Variants in KCNH8 observed in about 807,000 individuals in gnomAD.
KCNH8 encodes the protein voltage-gated delayed rectifier potassium channel KCNH8.
Under a neutral mutation model 103.6 loss-of-function variants are expected in KCNH8, and 70 were observed. The observed-to-expected ratio is 0.68, with a 90% CI of 0.56 to 0.82. The LOEUF (loss-of-function observed/expected upper bound fraction) is 0.82. Among genes scored for constraint, KCNH8 ranks in the 40% least tolerant of loss-of-function variants. The pLI is 0.00. For missense variants in KCNH8, 1,217 were observed against 1,329.9 expected (o/e 0.92, Z 1.32); for synonymous variants, 498 against 489.4 (o/e 1.02, Z -0.23).
chr3:19,405,533 C>T (rs2125143029), intron 7 of KCNH8, among the ~76,000 whole-genome samples: 1 of 151,978 alleles, frequency 6.6e-6, no homozygotes, highest in Admixed American at 6.6e-5. Context: ...TGTAACTTCA[C>T]TAACAGATTT....
At chr3:19,515,822 A>G (rs988188160) in intron 14 of KCNH8, among the ~76,000 whole-genome samples, 3 of 152,064 alleles carry the variant, frequency 2.0e-5, no homozygotes, top group Non-Finnish European at 4.4e-5. Flanking sequence ...CAGTTTATTC[A>G]GTGTGAGGTT....
intron 7 of KCNH8, among the ~76,000 whole-genome samples, chr3:19,423,126 GA>G (rs1313971945): frequency 1.3e-5 from 2 of 151,990 alleles, no homozygotes; most frequent in Non-Finnish European, 2.9e-5. Context: ...CTTTTCTAAA[GA>G]CTGAAAAGCT....
At chr3:19,318,520 C>G (rs139881132) in intron 3 of KCNH8, among the ~76,000 whole-genome samples, 1 of 151,626 alleles carries the variant, frequency 6.6e-6, no homozygotes, top group African/African-American at 2.4e-5. Flanking sequence ...TAAAAACATA[C>G]AATTATTAGT....
At chr3:19,282,778 T>TA (rs776940236) in intron 3 of KCNH8, among the ~76,000 whole-genome samples, 3 of 152,182 alleles carry the variant, frequency 2.0e-5, no homozygotes, top group Admixed American at 6.6e-5. Flanking sequence ...CCTTTTCATT[T>TA]AGAGTTTGAG....
chr3:19,369,157 T>C (rs1393688833), intron 5 of KCNH8, among the ~76,000 whole-genome samples: 1 of 152,024 alleles, frequency 6.6e-6, no homozygotes, highest in African/African-American at 2.4e-5. Context: ...GAGGTAACAG[T>C]ATTTTTATAT....
chr3:19,424,918 C>T (rs1230123438), intron 7 of KCNH8, among the ~76,000 whole-genome samples: 9 of 152,090 alleles, frequency 5.9e-5, no homozygotes, highest in Middle Eastern at 3.4e-3. Context: ...TAAAGTTGAA[C>T]GAACTCCCTG....
intron 5 of KCNH8, among the ~76,000 whole-genome samples, chr3:19,355,091 T>G (rs2065861805): frequency 6.6e-6 from 1 of 152,120 alleles, no homozygotes; most frequent in Admixed American, 6.5e-5. Context: ...CAGACACTTC[T>G]CAAAAGAAGA....
intron 3 of KCNH8, among the ~76,000 whole-genome samples, chr3:19,329,511 T>C (rs868502871): frequency 6.1e-5 from 8 of 130,810 alleles, no homozygotes; most frequent in Middle Eastern, 4.0e-3. Context: ...GATATTTTTC[T>C]AGGTTTTTTT....
At chr3:19,500,951 A>G (rs1202300684) in intron 11 of KCNH8, among the ~76,000 whole-genome samples, 4 of 152,206 alleles carry the variant, frequency 2.6e-5, no homozygotes, top group Non-Finnish European at 4.4e-5. Context: ...GGAAATAGAG[A>G]CACAAAAAAC....
At chr3:19,219,853 G>A (rs552076425) in intron 1 of KCNH8, among the ~76,000 whole-genome samples, 1 of 152,112 alleles carries the variant, frequency 6.6e-6, no homozygotes, top group African/African-American at 2.4e-5. Context: ...TATTACTCAG[G>A]TCAAGAACTC....
chr3:19,357,331 A>G (rs2125326726), intron 5 of KCNH8, among the ~76,000 whole-genome samples: 3 of 152,022 alleles, frequency 2.0e-5, no homozygotes, highest in Admixed American at 2.0e-4. Context: ...GTTATCATTC[A>G]GAGAGATATG....
intron 11 of KCNH8, among the ~76,000 whole-genome samples, chr3:19,508,213 CTG>C (rs1049349752): frequency 1.9e-4 from 29 of 152,070 alleles, no homozygotes; most frequent in African/African-American, 7.0e-4. Context: ...TCTGTTTTCA[CTG>C]TGTCTATGCC....
At chr3:19,474,779 C>A (rs1308445207) in intron 11 of KCNH8, among the ~76,000 whole-genome samples, 1 of 152,170 alleles carries the variant, frequency 6.6e-6, no homozygotes, top group African/African-American at 2.4e-5. Context: ...ATTCGTGTGA[C>A]TGCATTTTGC....
intron 3 of KCNH8, among the ~76,000 whole-genome samples, chr3:19,321,880 A>G (rs538305724): frequency 6.6e-6 from 1 of 152,112 alleles, no homozygotes; most frequent in South Asian, 2.1e-4. Context: ...GTGCATATAT[A>G]TTTAGGATTG....
At chr3:19,448,373 A>G (rs538899327) in intron 8 of KCNH8, among the ~76,000 whole-genome samples, 85 of 152,140 alleles carry the variant, frequency 5.6e-4, no homozygotes, top group African/African-American at 2.0e-3. Context: ...CTTCTTGTAT[A>G]TAGACCCTAA....
chr3:19,477,524 A>G (rs923571667), intron 11 of KCNH8, among the ~76,000 whole-genome samples: 1 of 151,958 alleles, frequency 6.6e-6, no homozygotes, highest in Non-Finnish European at 1.5e-5. Context: ...ACAGGCTCCA[A>G]ATGCTTTCTC....
At chr3:19,379,646 A>C (rs975192519) in intron 5 of KCNH8, among the ~76,000 whole-genome samples, 3 of 152,098 alleles carry the variant, frequency 2.0e-5, no homozygotes, top group African/African-American at 7.2e-5. Context: ...CTCAAAAAAA[A>C]AAGAAAAAAG....
intron 2 of KCNH8, among the ~76,000 whole-genome samples, chr3:19,256,118 T>C (rs2064343253): frequency 6.6e-6 from 1 of 152,130 alleles, no homozygotes; most frequent in African/African-American, 2.4e-5. Context: ...GCAGTGTAGA[T>C]GCTTAGCAGC....
At chr3:19,266,243 C>A (rs141551547) in intron 2 of KCNH8, among the ~76,000 whole-genome samples, 48 of 152,234 alleles carry the variant, frequency 3.2e-4, no homozygotes, top group African/African-American at 9.9e-4. Flanking sequence ...CTGTTTCTGT[C>A]CTCCCTGTTC....
Sources: allele counts gnomAD v4.1 joint callset (sites outside exome capture counted in the v4.1 genomes callset), GRCh38; gene constraint gnomAD v4.1.1; transcripts MANE v1.5; gene names NCBI Gene and HGNC (gene_info 2026-07-23, HGNC 2026-07-21).